Variants in CHMP7 observed in about 807,000 individuals in gnomAD.
CHMP7 encodes the protein CHMP family, member 7.
Under a neutral mutation model 53.7 loss-of-function variants are expected in CHMP7, and 15 were observed. The ratio of observed to expected loss-of-function variants is 0.28; its 90% CI spans 0.19 to 0.43. The LOEUF (loss-of-function observed/expected upper bound fraction) is 0.43. Among genes scored for constraint, CHMP7 ranks in the 20% least tolerant of loss-of-function variants. The pLI, the probability that CHMP7 is intolerant of heterozygous loss-of-function variation, is 1.00. For synonymous variants in CHMP7, 261 were observed against 228.0 expected (o/e 1.14, Z -1.30); for missense variants, 527 against 569.4 (o/e 0.93, Z 0.76).
intron 2 of CHMP7, 123 bp downstream of exon 2, chr8:23,247,117 C>T (rs1801731507): frequency 9.4e-6 from 9 of 953,656 alleles, no homozygotes; most frequent in Middle Eastern, 3.4e-4. Context: ...CCAGAGAAGG[C>T]ATCCAGTGTG....
intron 3 of CHMP7, among the ~76,000 whole-genome samples, chr8:23,249,604 C>T (rs1801841518): frequency 6.6e-6 from 1 of 152,162 alleles, no homozygotes; most frequent in African/African-American, 2.4e-5. Context: ...TTTCAGTTAA[C>T]AGTGGATTAT....
intron 2 of CHMP7, chr8:23,248,215 C>A (rs1032840022): frequency 2.2e-6 from 1 of 456,160 alleles, no homozygotes; most frequent in Non-Finnish European, 4.4e-6. Flanking sequence ...AGGGAAGGGA[C>A]CAGAATGGGC....
chr8:23,254,958 A>G, intron 3 of CHMP7: 1 of 454,588 alleles, frequency 2.2e-6, no homozygotes, highest in Non-Finnish European at 4.1e-6. Context: ...CCCTTGGGAA[A>G]CCACAGGCCA....
At chr8:23,257,987 C>T (rs779805141) in intron 5 of CHMP7, 46 bp from the exon 6 acceptor site, 1 of 1,448,780 alleles carries the variant, frequency 6.9e-7, no homozygotes, top group Non-Finnish European at 9.7e-7. Context: ...GACCCTGCCA[C>T]TCCCATCCTG....
chr8:23,258,853 G>A (rs1802246895), intron 8 of CHMP7, 23 bp downstream of exon 8: 1 of 1,490,016 alleles, frequency 6.7e-7, no homozygotes, highest in African/African-American at 1.4e-5. Flanking sequence ...GCCAGGGAGG[G>A]ACACACAGAG....
Position 23,258,755 on chromosome 8 carries a change from G to T in CHMP7, c.984G>T (p.Gly328=). ...AGGTTTTTAACGCCTACCAGGCTGG[G>T]GTAGGAGCACTCAAACTCTCCATGA... is the stretch of plus-strand genomic sequence containing the variant. The part of the protein sequence containing the change: ...DQMVFNAYQA[G]VGALKLSMKD... The change falls in exon 8 of 11, where the codon GGG becomes GGT. Residue 328 remains glycine (G), a synonymous_variant. Transcript: ENST00000397677. 1 of 1,613,422 alleles carries T rather than the reference G, an allele frequency of 6.2e-7. No individual in the cohort carries two copies. The highest frequency in any genetic ancestry group is 8.5e-7 in the Non-Finnish European group (1 of 1,179,500).
chr8:23,258,269 G>A, intron 6 of CHMP7, 61 bp from the exon 7 acceptor site: 1 of 1,606,780 alleles, frequency 6.2e-7, no homozygotes, highest in South Asian at 1.1e-5. Context: ...GGGAAGGGCT[G>A]TCTTCCTCTT....
In CHMP7 at chr8:23,260,581, G is replaced by T. The variant is rs573306655; in HGVS notation, c.1344G>T (p.Pro448=). 5 of 1,613,970 alleles carry T rather than the reference G, an allele frequency of 3.1e-6. No homozygotes were observed. Among genetic ancestry groups the T allele is most frequent in the East Asian group, 2.2e-5 (1 of 44,884 alleles). ...SSKSPKRQLE[P]TLKPL The stretch of plus-strand genomic sequence containing the variant: ...AATCTCCAAAAAGGCAATTGGAACC[G>T]ACTCTAAAGCCATTGTAGGACCCTC... The change falls in exon 11 of 11, where the codon CCG becomes CCT. Residue 448 remains proline (P), a synonymous_variant. Transcript: ENST00000397677.
Position 23,260,625 on chromosome 8 carries a change from T to G in CHMP7, c.*26T>G. The G allele has an allele frequency of 6.3e-7, 1 of 1,579,786 alleles. No individual in the cohort carries two copies. The highest frequency in any genetic ancestry group is 8.7e-7 in the Non-Finnish European group (1 of 1,148,546). On this transcript the variant is annotated 3_prime_UTR_variant, in exon 11 of 11. Transcript: ENST00000397677. ...GACCCTCAAGTGAAGGACCCTCATGTAAAAGAGAGACCAGGCTTGCTGGGT... is the reference window on the plus strand; with the variant it reads ...GACCCTCAAGTGAAGGACCCTCATGGAAAAGAGAGACCAGGCTTGCTGGGT...
chr8:23,246,522 A>G lies in CHMP7; in HGVS notation c.-174A>G. The G allele has an allele frequency of 1.6e-6, 1 of 615,024 alleles. No homozygotes were observed. The highest frequency in any genetic ancestry group is 1.8e-5 in the African/African-American group (1 of 54,178). 38.1% of individuals were successfully genotyped at this position (615,024 alleles called of 1,614,324 possible). A position where few individuals can be genotyped will look rare whatever the true frequency, so the allele number is the denominator to read the frequency against. Reference sequence around the variant, plus strand: ...CATCATACTGCCTCCTGGCTGACGGAGCGCAGCGCAACGCATGCGCCTTGA... The same window carrying G: ...CATCATACTGCCTCCTGGCTGACGGGGCGCAGCGCAACGCATGCGCCTTGA... On this transcript the variant is annotated 5_prime_UTR_variant, in exon 2 of 11. Transcript: ENST00000397677.
Position 23,246,656 on chromosome 8 carries a change from C to G in CHMP7, c.-40C>G, listed in dbSNP as rs766177063. On this transcript the variant is annotated 5_prime_UTR_variant, in exon 2 of 11. Transcript: ENST00000397677. The stretch of plus-strand genomic sequence containing the variant: ...GAACGAGGGCGGAAGCGGACCAGGG[C>G]CAGGCTTGTGTTCGCAGCCTTGCCG... 1 of 1,525,776 alleles carries G rather than the reference C, an allele frequency of 6.6e-7. No individual in the cohort carries two copies. The highest frequency in any genetic ancestry group is 8.8e-7 in the Non-Finnish European group (1 of 1,131,404). 94.5% of individuals were successfully genotyped at this position (1,525,776 alleles called of 1,614,324 possible).
intron 3 of CHMP7, 91 bp downstream of exon 3, chr8:23,249,472 C>G: frequency 9.5e-7 from 1 of 1,051,054 alleles, no homozygotes; most frequent in Non-Finnish European, 1.3e-6. Context: ...AAAAGACCGT[C>G]TCTTTTTTTA....
rs1802085031 is a variant in CHMP7, at chr8:23,255,370, T to G, written c.595T>G (p.Leu199Val). 1 of 1,614,176 alleles carries G rather than the reference T, an allele frequency of 6.2e-7. No homozygotes were observed. The highest frequency in any genetic ancestry group is 1.1e-5 in the South Asian group (1 of 91,086). Residue 199 changes from leucine to valine, a missense_variant, in exon 4 of 11, where the codon TTG (leucine) becomes GTG (valine). By Grantham distance (32) the Leu-to-Val change is conservative. Coordinates refer to ENST00000397677, the MANE Select transcript of CHMP7 (RefSeq NM_152272.5). ...NSCPDERTFY[L>V]VLLQLQKEKR... ...CTGCCCAGATGAGAGGACCTTCTAC[T>G]TGGTGTTGCTGCAGCTGCAGAAGGA...
chr8:23,252,546 G>A (rs1801975010), intron 3 of CHMP7: 2 of 152,140 alleles, frequency 1.3e-5, no homozygotes, highest in African/African-American at 4.8e-5. Flanking sequence ...TATATATAAT[G>A]TATTTAGTAT....
intron 3 of CHMP7, among the ~76,000 whole-genome samples, chr8:23,250,975 C>A (rs1014228598): frequency 6.6e-6 from 1 of 152,214 alleles, no homozygotes; most frequent in Non-Finnish European, 1.5e-5. Context: ...TGCACCCCTT[C>A]CCCGCACCCA....
Position 23,246,959 on chromosome 8 carries a change from G to C in CHMP7, c.264G>C (p.Pro88=). 1 of 1,546,060 alleles carries C rather than the reference G, an allele frequency of 6.5e-7. No individual in the cohort carries two copies. The highest frequency in any genetic ancestry group is 8.7e-7 in the Non-Finnish European group (1 of 1,149,246). Residue 88 remains proline (P), a synonymous_variant, in exon 2 of 11, where the codon CCG becomes CCC. Coordinates refer to ENST00000397677, the MANE Select transcript of CHMP7 (RefSeq NM_152272.5). Reference sequence around the variant, plus strand: ...CCTTTCAGCGCAAGGGGAGCGTCCCGCTGGGGCTGGCCACGGTGCTGCAGG... The same window carrying C: ...CCTTTCAGCGCAAGGGGAGCGTCCCCCTGGGGCTGGCCACGGTGCTGCAGG... The part of the protein sequence containing the change: ...QEAFQRKGSV[P]LGLATVLQDL...
At chr8:23,250,842 A>T (rs1801899287) in intron 3 of CHMP7, among the ~76,000 whole-genome samples, 1 of 151,644 alleles carries the variant, frequency 6.6e-6, no homozygotes, top group African/African-American at 2.4e-5. Context: ...ACCTTGAGAG[A>T]CTCCAGCCCA....
chr8:23,249,865 C>T (rs753534214), intron 3 of CHMP7, among the ~76,000 whole-genome samples: 3 of 152,164 alleles, frequency 2.0e-5, no homozygotes. Context: ...GCCATGGTCC[C>T]GTCCTAGCCT....
intron 3 of CHMP7, among the ~76,000 whole-genome samples, chr8:23,250,154 T>A (rs951271580): frequency 6.6e-6 from 1 of 152,170 alleles, no homozygotes; most frequent in Non-Finnish European, 1.5e-5. Flanking sequence ...TTTCTCTCTG[T>A]CCCCTCACAC....
Sources: allele counts gnomAD v4.1 joint callset (sites outside exome capture counted in the v4.1 genomes callset), GRCh38; gene constraint gnomAD v4.1.1; transcripts MANE v1.5; gene names NCBI Gene and HGNC (gene_info 2026-07-23, HGNC 2026-07-21).